Variants in YAE1 observed in about 807,000 individuals in gnomAD.
The protein encoded by YAE1 is YAE1 maturation factor of ABCE1.
A neutral mutation model predicts 23.0 loss-of-function variants in YAE1; 22 were observed. The ratio of observed to expected loss-of-function variants is 0.96; its 90% CI spans 0.68 to 1.37. YAE1 has a LOEUF of 1.37. Ranked by LOEUF, YAE1 falls within the 40% of genes most tolerant of loss-of-function variation. YAE1 has a pLI of 0.00. For missense variants in YAE1, 260 were observed against 262.1 expected (o/e 0.99, Z 0.06); for synonymous variants, 101 against 97.0 (o/e 1.04, Z -0.24).
In YAE1 at chr7:39,566,554, G is replaced by A. The variant is rs763039170; in HGVS notation, c.129+7G>A. 1.9e-6 allele frequency: 3 copies of A among 1,613,594 alleles called. No homozygotes were observed. Among genetic ancestry groups the A allele is most frequent in the Non-Finnish European group, 2.5e-6 (3 of 1,179,714 alleles). On this transcript the variant is annotated splice_region_variant and intron_variant, in intron 1 of 2. Transcript: ENST00000223273. The stretch of plus-strand genomic sequence containing the variant: ...CATGCAAAGACGAGTCAAAGTAAAC[G>A]TGGTGTGGACGGCGCGGGGTGCTGG...
At chr7:39,604,542 A>G (rs1488927336) in intron 2 of YAE1, among the ~76,000 whole-genome samples, 5 of 152,226 alleles carry the variant, frequency 3.3e-5, no homozygotes, top group Non-Finnish European at 5.9e-5. Flanking sequence ...GTTAATATAT[A>G]TATGTGAAAT....
downstream of YAE1, among the ~76,000 whole-genome samples, chr7:39,575,458 A>T (rs1790637851): frequency 6.6e-6 from 1 of 151,838 alleles, no homozygotes; most frequent in South Asian, 2.1e-4. Context: ...CCTTCAGCCC[A>T]GTCTAAGTTG....
exon 3 of YAE1, chr7:39,609,792 C>T: frequency 6.5e-7 from 1 of 1,532,018 alleles, no homozygotes; most frequent in Non-Finnish European, 8.7e-7. Flanking sequence ...CCAAAGCGGC[C>T]GCGCCACTCC....
intron 2 of YAE1, among the ~76,000 whole-genome samples, chr7:39,590,686 A>G (rs2115820617): frequency 6.6e-6 from 1 of 152,296 alleles, no homozygotes; most frequent in Middle Eastern, 3.4e-3. Flanking sequence ...AATTTTGTGC[A>G]TGAAAAAAAG....
downstream of YAE1, among the ~76,000 whole-genome samples, chr7:39,573,956 T>A (rs144679326): frequency 0.011 from 1,655 of 152,358 alleles, 32 homozygotes; most frequent in African/African-American, 0.037. Flanking sequence ...TGTTAATATA[T>A]GTTTCCATGT....
In YAE1 at chr7:39,572,518, G is replaced by T. The variant is rs1489421408; in HGVS notation, c.493G>T (p.Ala165Ser). The change falls in exon 3 of 3, where the codon GCT becomes TCT. Residue 165 changes from alanine to serine, a missense_variant. Ala to Ser is a moderately conservative substitution (Grantham distance 99). Coordinates refer to ENST00000223273, the MANE Select transcript of YAE1 (RefSeq NM_020192.5). The stretch of plus-strand genomic sequence containing the variant: ...AGATGAAAGACTCTGTGAAAATAAT[G>T]CTGAGTTTAACAAAAACTGTAGCAA... ...AKDERLCENN[A>S]EFNKNCSKSH... 7.4e-6 allele frequency: 12 copies of T among 1,613,986 alleles called. No individual in the cohort carries two copies. The highest frequency in any genetic ancestry group is 9.3e-6 in the Non-Finnish European group (11 of 1,179,992).
At chr7:39,575,453 A>G (rs1167598259), downstream of YAE1, among the ~76,000 whole-genome samples, 1 of 151,974 alleles carries the variant, frequency 6.6e-6, no homozygotes, top group Non-Finnish European at 1.5e-5. Flanking sequence ...AAAAGCCTTC[A>G]GCCCAGTCTA....
intron 2 of YAE1, among the ~76,000 whole-genome samples, chr7:39,603,647 GA>G (rs1449866157): frequency 6.6e-6 from 1 of 152,148 alleles, no homozygotes; most frequent in African/African-American, 2.4e-5. Flanking sequence ...TCAAAAACAA[GA>G]ATATCTAATG....
exon 3 of YAE1, chr7:39,610,230 G>C: frequency 1.7e-6 from 1 of 585,578 alleles, no homozygotes; most frequent in Non-Finnish European, 3.0e-6. Context: ...ATTCACACAT[G>C]AGCAGATTAT....
At chr7:39,566,718 T>C in intron 1 of YAE1, 171 bp downstream of exon 1, 1 of 957,256 alleles carries the variant, frequency 1.0e-6, no homozygotes, top group Non-Finnish European at 1.5e-6. Context: ...CTTGAAAGCG[T>C]GTAAAACAAC....
chr7:39,598,002 G>A (rs539784226), intron 2 of YAE1, among the ~76,000 whole-genome samples: 31 of 152,018 alleles, frequency 2.0e-4, no homozygotes, highest in Non-Finnish European at 3.4e-4. Context: ...TAGGGACAGG[G>A]ACTCACTATG....
intron 2 of YAE1, among the ~76,000 whole-genome samples, chr7:39,599,586 G>A (rs1304137653): frequency 6.6e-6 from 1 of 151,984 alleles, no homozygotes; most frequent in Non-Finnish European, 1.5e-5. Flanking sequence ...TATTAAGTTA[G>A]TAATTATAAG....
At chr7:39,603,427 C>T (rs773084170) in intron 2 of YAE1, among the ~76,000 whole-genome samples, 6 of 152,170 alleles carry the variant, frequency 3.9e-5, no homozygotes, top group South Asian at 2.1e-4. Context: ...TGTGAGCCAC[C>T]GCGCCCGGCT....
Position 39,572,572 on chromosome 7 carries a change from G to A in YAE1, c.547G>A (p.Val183Ile). 2 of 1,614,106 alleles carry A rather than the reference G, an allele frequency of 1.2e-6. No homozygotes were observed. Among genetic ancestry groups the A allele is most frequent in the Non-Finnish European group, 8.5e-7 (1 of 1,179,966 alleles). ...KSHSGIDCSY[V>I]ECCRTQEHAH... ...CCATAGTGGGATAGATTGTTCATAT[G>A]TAGAATGTTGTAGAACACAGGAGCA... The change falls in exon 3 of 3, where the codon GTA becomes ATA. Residue 183 changes from valine (V) to isoleucine (I), a missense_variant. Val to Ile is a conservative substitution (Grantham distance 29). Transcript: ENST00000223273.
downstream of YAE1, among the ~76,000 whole-genome samples, chr7:39,575,555 AGAGAGAGAGAGAGAGAGAGAGAGT>A (rs1190340018): frequency 3.0e-5 from 4 of 133,062 alleles, no homozygotes; most frequent in East Asian, 2.1e-4. Context: ...AGAGAGAGAG[AGAGAGAGAGAGAGAGAGAGAGAGT>A]GAGTGTGTGT....
At chr7:39,566,596 C>T (rs1220990475) in intron 1 of YAE1, 49 bp downstream of exon 1, 3 of 1,607,062 alleles carry the variant, frequency 1.9e-6, no homozygotes, top group African/African-American at 1.3e-5. Flanking sequence ...GGAAGAGGCG[C>T]GGAGTTGTGA....
intron 2 of YAE1, among the ~76,000 whole-genome samples, chr7:39,592,822 A>G (rs542396020): frequency 6.6e-6 from 1 of 152,272 alleles, no homozygotes; most frequent in South Asian, 2.1e-4. Flanking sequence ...ACGTGCCTAG[A>G]TGTAGTTCTC....
At chr7:39,592,646 A>AAG (rs1188496416) in intron 2 of YAE1, among the ~76,000 whole-genome samples, 4 of 152,212 alleles carry the variant, frequency 2.6e-5, no homozygotes, top group African/African-American at 9.6e-5. Flanking sequence ...TAGATACAGA[A>AAG]TTCTAAGTTT....
chr7:39,570,015 G>A, intron 1 of YAE1: 1 of 1,352,578 alleles, frequency 7.4e-7, no homozygotes, highest in South Asian at 1.2e-5. Flanking sequence ...TCCGGTTAAT[G>A]GTTTTGACAA....
Sources: gnomAD v4.1 joint callset for allele counts (sites outside exome capture counted in the v4.1 genomes callset) on GRCh38, gnomAD v4.1.1 for gene constraint, MANE v1.5 for transcripts, NCBI Gene and HGNC (gene_info 2026-07-23, HGNC 2026-07-21) for gene names.